NXPE2: variants seen among roughly 807,000 people sequenced by gnomAD.
The protein encoded by NXPE2 is neurexophilin and PC-esterase domain family member 2.
NXPE2 carries 34 observed loss-of-function variants against 34.4 expected under a neutral mutation model. The observed-to-expected ratio is 0.99, with a 90% CI of 0.75 to 1.31. The LOEUF (loss-of-function observed/expected upper bound fraction) is 1.31. NXPE2 is among the 40% of genes most tolerant of loss of function. The pLI, the probability that NXPE2 is intolerant of heterozygous loss-of-function variation, is 0.00. For missense variants in NXPE2, 649 were observed against 672.5 expected (o/e 0.97, Z 0.39); for synonymous variants, 235 against 231.3 (o/e 1.02, Z -0.15).
the NXPE2 span, among the ~76,000 whole-genome samples, chr11:114,623,420 G>C: frequency 6.6e-6 from 1 of 152,040 alleles, no homozygotes; most frequent in Non-Finnish European, 1.5e-5. Context: ...TTACCCGCTG[G>C]ATAATAAGTA....
chr11:114,811,628 C>T, the NXPE2 span, among the ~76,000 whole-genome samples: 1 of 152,170 alleles, frequency 6.6e-6, no homozygotes, highest in Non-Finnish European at 1.5e-5. Context: ...AGGTAGGACT[C>T]CAGCCTCCAC....
chr11:114,693,339 A>T (rs2135551886), intron 2 of NXPE2, among the ~76,000 whole-genome samples: 1 of 152,326 alleles, frequency 6.6e-6, no homozygotes, highest in South Asian at 2.1e-4. Flanking sequence ...GAAGTTCAAA[A>T]GAGCTATCCC....
the NXPE2 span, among the ~76,000 whole-genome samples, chr11:114,798,241 A>G: frequency 6.6e-6 from 1 of 152,218 alleles, no homozygotes; most frequent in Admixed American, 6.5e-5. Flanking sequence ...CAAAAACCCC[A>G]AAATTTCTGT....
At chr11:114,610,662 A>T in the NXPE2 span, among the ~76,000 whole-genome samples, 6 of 151,892 alleles carry the variant, frequency 4.0e-5, no homozygotes, top group African/African-American at 7.3e-5. Context: ...TAACCGGTGG[A>T]TAATACATGT....
chr11:114,746,915 C>T, the NXPE2 span, among the ~76,000 whole-genome samples: 7 of 150,106 alleles, frequency 4.7e-5, no homozygotes, highest in Middle Eastern at 3.5e-3. Flanking sequence ...CAAAGAACAC[C>T]TTCCTTTTAC....
At chr11:114,613,671 GGAT>G in the NXPE2 span, among the ~76,000 whole-genome samples, 1 of 151,996 alleles carries the variant, frequency 6.6e-6, no homozygotes, top group African/African-American at 2.4e-5. Context: ...GTTACCCAGT[GGAT>G]GATAAGTGTT....
At chr11:114,510,007 A>C in the NXPE2 span, among the ~76,000 whole-genome samples, 1 of 152,196 alleles carries the variant, frequency 6.6e-6, no homozygotes, top group East Asian at 1.9e-4. Flanking sequence ...TGATTTTAAG[A>C]AGAAAGAAGA....
chr11:114,486,594 T>A, the NXPE2 span, among the ~76,000 whole-genome samples: 3 of 152,190 alleles, frequency 2.0e-5, no homozygotes, highest in Admixed American at 2.0e-4. Flanking sequence ...CTGGAGAGTT[T>A]CCCCAATGTT....
chr11:114,529,625 G>A, the NXPE2 span: 1 of 157,616 alleles, frequency 6.3e-6, no homozygotes, highest in African/African-American at 2.4e-5. Context: ...ACCCTGAGAG[G>A]TATATACTGA....
chr11:114,483,470 A>G, the NXPE2 span, among the ~76,000 whole-genome samples: 2 of 152,226 alleles, frequency 1.3e-5, no homozygotes, highest in Admixed American at 1.3e-4. Context: ...CACCTGCCTT[A>G]GGAGATTGTT....
chr11:114,590,319 C>T, the NXPE2 span, among the ~76,000 whole-genome samples: 1 of 152,128 alleles, frequency 6.6e-6, no homozygotes, highest in African/African-American at 2.4e-5. Context: ...GGTAAAGTAC[C>T]TTGGTTTAGT....
chr11:114,663,157 C>T, the NXPE2 span, among the ~76,000 whole-genome samples: 1 of 152,172 alleles, frequency 6.6e-6, no homozygotes, highest in South Asian at 2.1e-4. Flanking sequence ...TGGTGGTAGT[C>T]TGGCAGTACT....
At chr11:114,467,368 T>C in the NXPE2 span, among the ~76,000 whole-genome samples, 7 of 152,180 alleles carry the variant, frequency 4.6e-5, no homozygotes, top group African/African-American at 1.4e-4. Context: ...AAAAGCCAAA[T>C]CTTTACTTTT....
the NXPE2 span, among the ~76,000 whole-genome samples, chr11:114,713,439 A>G: frequency 2.6e-5 from 4 of 152,160 alleles, no homozygotes; most frequent in African/African-American, 7.2e-5. Flanking sequence ...TTGTCCCTCT[A>G]TGTATGTGGG....
the NXPE2 span, among the ~76,000 whole-genome samples, chr11:114,746,723 C>T: frequency 1.3e-5 from 2 of 152,028 alleles, no homozygotes; most frequent in African/African-American, 2.4e-5. Flanking sequence ...TCCTGGCCCG[C>T]GCCTGTAGTC....
the NXPE2 span, among the ~76,000 whole-genome samples, chr11:114,668,126 C>T: frequency 6.6e-6 from 1 of 151,744 alleles, no homozygotes; most frequent in Non-Finnish European, 1.5e-5. Flanking sequence ...GGATAGTGTG[C>T]CTGCTCTTAA....
chr11:114,757,811 TAAAAC>T, the NXPE2 span, among the ~76,000 whole-genome samples: 7 of 152,280 alleles, frequency 4.6e-5, no homozygotes, highest in Non-Finnish European at 7.3e-5. Context: ...AGAGATGAGA[TAAAAC>T]AAATATTCAC....
the NXPE2 span, among the ~76,000 whole-genome samples, chr11:114,738,801 T>A: frequency 4.6e-5 from 7 of 152,148 alleles, no homozygotes; most frequent in African/African-American, 1.7e-4. Context: ...CACCTTATGC[T>A]TATATTAGAA....
At chr11:114,557,084 G>T in the NXPE2 span, among the ~76,000 whole-genome samples, 4 of 151,820 alleles carry the variant, frequency 2.6e-5, no homozygotes, top group African/African-American at 9.7e-5. Flanking sequence ...AGTAGAGACG[G>T]GGTTTCACCA....
Sources: allele counts gnomAD v4.1 joint callset (sites outside exome capture counted in the v4.1 genomes callset), GRCh38; gene constraint gnomAD v4.1.1; transcripts MANE v1.5; gene names NCBI Gene and HGNC (gene_info 2026-07-23, HGNC 2026-07-21).